The following HERC1 variants were observed in gnomAD, a reference collection of about 807,000 sequenced individuals.
HERC1 encodes the protein probable E3 ubiquitin-protein ligase HERC1.
A neutral mutation model predicts 554.3 loss-of-function variants in HERC1; 160 were observed. That is an observed-to-expected ratio of 0.29 (90% confidence interval 0.25 to 0.33). The LOEUF is 0.33. HERC1 is among the 10% of genes least tolerant of loss of function. HERC1 has a pLI of 1.00. For missense variants in HERC1, 4,919 were observed against 5,918.5 expected, an observed-to-expected ratio of 0.83 and a Z score of 5.54; for synonymous variants, 2,175 against 2,131.7, an observed-to-expected ratio of 1.02 and a Z score of -0.56.
chr15:63,810,942 T>C (rs2077286709), intron 1 of HERC1, among the ~76,000 whole-genome samples: 1 of 152,100 alleles, frequency 6.6e-6, no homozygotes. Flanking sequence ...TATGTGATAT[T>C]AAAGAACCAA....
At position 63,616,844 on chromosome 15, in the gene HERC1, C is replaced by A. The variant is rs189150579; in HGVS notation, c.13689-162G>T. 8.8e-5 allele frequency: 57 copies of A among 648,332 alleles called. No homozygotes were observed. The East Asian group carries it at 9.7e-4, about 11-fold the overall frequency. 40.2% of individuals were successfully genotyped at this position (648,332 alleles called of 1,614,324 possible). On this transcript the variant is annotated intron_variant, in intron 74 of 77. Coordinates refer to ENST00000443617, the MANE Select transcript of HERC1 (RefSeq NM_003922.4). ...ATTAAATAAAACTAAAAATTCAGTT[C>A]TTCGGCTTCCCTAATCACACGTTGA... is the stretch of plus-strand genomic sequence containing the variant.
intron 25 of HERC1, among the ~76,000 whole-genome samples, chr15:63,702,844 G>A (rs559029539): frequency 1.3e-4 from 20 of 152,162 alleles, no homozygotes; most frequent in African/African-American, 4.6e-4. Context: ...GGTGGCTCAC[G>A]CCTGTAATCC....
At chr15:63,665,262 G>A (rs1040766293) in intron 42 of HERC1, among the ~76,000 whole-genome samples, 15 of 152,180 alleles carry the variant, frequency 9.9e-5, no homozygotes, top group East Asian at 3.9e-4. Context: ...GGCCAGGAAC[G>A]GTGGCTCATG....
chr15:63,676,471 T>G (rs896679922), intron 37 of HERC1, among the ~76,000 whole-genome samples: 1 of 152,162 alleles, frequency 6.6e-6, no homozygotes, highest in Admixed American at 6.5e-5. Context: ...TTAGATATTG[T>G]TCCGGCCGAG....
intron 1 of HERC1, among the ~76,000 whole-genome samples, chr15:63,812,788 A>G (rs1012749050): frequency 2.0e-5 from 3 of 152,188 alleles, no homozygotes; most frequent in Admixed American, 6.5e-5. Context: ...AAATAAAAAT[A>G]ATAAACGAAA....
In HERC1 at chr15:63,656,375, A is replaced by C; in HGVS notation, c.9600-17T>G. 9 of 1,599,314 alleles carry C rather than the reference A, an allele frequency of 5.6e-6. No individual in the cohort carries two copies. The highest frequency in any genetic ancestry group is 7.7e-6 in the Non-Finnish European group (9 of 1,171,286). On this transcript the variant is annotated splice_polypyrimidine_tract_variant and intron_variant, in intron 48 of 77. Transcript: ENST00000443617. ...CTGGAACCACTGCCAGTAAAGAAAA[A>C]CATCTCAGATGGATAAAGAAAATGG...
chr15:63,632,072 T>C (rs759518169), intron 68 of HERC1, among the ~76,000 whole-genome samples: 1 of 152,222 alleles, frequency 6.6e-6, no homozygotes, highest in Non-Finnish European at 1.5e-5. Context: ...TCCACACATT[T>C]ATTTAGGGCA....
At chr15:63,706,953 T>C (rs1331930763) in intron 24 of HERC1, 122 bp from the exon 25 acceptor site, 2 of 620,166 alleles carry the variant, frequency 3.2e-6, no homozygotes, top group East Asian at 2.9e-5. Flanking sequence ...TTATTCATCA[T>C]TCAAGTCAAA....
intron 3 of HERC1, among the ~76,000 whole-genome samples, chr15:63,762,560 G>A (rs144124865): frequency 6.7e-4 from 102 of 152,144 alleles, no homozygotes; most frequent in African/African-American, 2.3e-3. Context: ...CCTGACCTCA[G>A]GTAATCCACC....
chr15:63,721,241 G>T (rs1357276763), intron 19 of HERC1, among the ~76,000 whole-genome samples: 1 of 151,988 alleles, frequency 6.6e-6, no homozygotes, highest in Non-Finnish European at 1.5e-5. Flanking sequence ...AAACAAAATG[G>T]GGCCAGGCGC....
chr15:63,813,114 A>G (rs1206131230), intron 1 of HERC1, among the ~76,000 whole-genome samples: 1 of 152,248 alleles, frequency 6.6e-6, no homozygotes. Context: ...TCAAAATAAG[A>G]CCTTCATAAA....
chr15:63,760,435 C>CAA lies in HERC1; in HGVS notation c.1027-2068_1027-2067dup, dbSNP rs34164820. 1.0e-2 allele frequency among the ~76,000 whole-genome samples: 910 copies of CAA among 91,090 alleles called. 14 individuals are homozygous for CAA. Among genetic ancestry groups the CAA allele is most frequent in the African/African-American group, 0.021 (485 of 23,376 alleles). 59.8% of individuals were successfully genotyped at this position (91,090 alleles called of 152,430 possible). A position where few individuals can be genotyped will look rare whatever the true frequency, so the allele number is the denominator to read the frequency against. On this transcript the variant is annotated intron_variant, in intron 3 of 77. Transcript: ENST00000443617. ...CAGCCCGGGCAGCAGAGACACCATCCAAAAAAAAAAAAAAAAAAAAGACAC... is the reference window on the plus strand; with the variant it reads ...CAGCCCGGGCAGCAGAGACACCATCCAAAAAAAAAAAAAAAAAAAAAAGACAC...
intron 42 of HERC1, among the ~76,000 whole-genome samples, chr15:63,665,365 C>T (rs961443420): frequency 6.6e-6 from 1 of 152,080 alleles, no homozygotes. Context: ...AACCCTGTCT[C>T]TACTAAAAAT....
intron 71 of HERC1, among the ~76,000 whole-genome samples, chr15:63,625,623 G>A (rs957613455): frequency 6.6e-6 from 1 of 151,652 alleles, no homozygotes; most frequent in Non-Finnish European, 1.5e-5. Context: ...GAACCCAAGA[G>A]GCAGAGGTTG....
intron 1 of HERC1, among the ~76,000 whole-genome samples, chr15:63,802,615 T>A (rs1220756552): frequency 6.6e-6 from 1 of 152,158 alleles, no homozygotes. Flanking sequence ...TTTCCACTCC[T>A]GGTACAATGC....
At position 63,774,850 on chromosome 15, in the gene HERC1, T is replaced by C; in HGVS notation, c.774A>G (p.Arg258=). The change falls in exon 2 of 78, where the codon CGA becomes CGG. Residue 258 remains arginine (R), a synonymous_variant. Transcript: ENST00000443617. The part of the protein sequence containing the change: ...SELLLGLAAQ[R]GSLRYLLEWI... The stretch of plus-strand genomic sequence containing the variant: ...ATTCAAGAAGATATCGCAATGAGCC[T>C]CGTTGAGCTGCCAAACCAAGCAGCA... 6.2e-7 allele frequency: 1 copy of C among 1,614,006 alleles called. No individual in the cohort carries two copies. The highest frequency in any genetic ancestry group is 1.3e-5 in the African/African-American group (1 of 75,042).
In HERC1 at chr15:63,696,535, A is replaced by G. The variant is rs556641794; in HGVS notation, c.4906-196T>C. On this transcript the variant is annotated intron_variant, in intron 26 of 77. Coordinates refer to ENST00000443617, the MANE Select transcript of HERC1 (RefSeq NM_003922.4). ...AACTCTATAAGCACACATCAGAATA[A>G]AAAAGGTTAGAGTACAATAGGAAAA... is the stretch of plus-strand genomic sequence containing the variant. Among the ~76,000 whole-genome samples the G allele has an allele frequency of 7.9e-5, 12 of 152,274 alleles. No homozygotes were observed. The East Asian group carries it at 2.1e-3, about 27-fold the overall frequency.
chr15:63,781,593 C>A (rs1407540105), intron 1 of HERC1, among the ~76,000 whole-genome samples: 1 of 152,190 alleles, frequency 6.6e-6, no homozygotes, highest in East Asian at 1.9e-4. Flanking sequence ...AGTCTCCCTA[C>A]CCTTGGGACT....
At chr15:63,801,205 A>G (rs534846493) in intron 1 of HERC1, among the ~76,000 whole-genome samples, 49 of 152,292 alleles carry the variant, frequency 3.2e-4, no homozygotes, top group African/African-American at 1.2e-3. Flanking sequence ...CATTGTAAAT[A>G]GGATATTTCC....
Sources: allele counts gnomAD v4.1 joint callset (sites outside exome capture counted in the v4.1 genomes callset), GRCh38; gene constraint gnomAD v4.1.1; transcripts MANE v1.5; gene names NCBI Gene and HGNC (gene_info 2026-07-23, HGNC 2026-07-21).